The following COL18A1 variants were observed in gnomAD, a reference collection of about 807,000 sequenced individuals.
The protein encoded by COL18A1 is collagen type XVIII alpha 1 chain, also known as collagen alpha-1(XVIII) chain.
In COL18A1, 133 loss-of-function variants were observed where a neutral mutation model predicts 168.0. That is an observed-to-expected ratio of 0.79 (90% confidence interval 0.69 to 0.91). The LOEUF is 0.91. Ranked by LOEUF, COL18A1 falls within the 40% of genes least tolerant of loss-of-function variation. The pLI, the probability that COL18A1 is intolerant of heterozygous loss-of-function variation, is 0.00. For missense variants in COL18A1, 2,126 were observed against 1,925.4 expected (o/e 1.10, Z -1.95); for synonymous variants, 949 against 809.0 (o/e 1.17, Z -2.94).
rs2036881677 is a variant in COL18A1, at chr21:45,501,957, CCG to C, written c.2684-2052_2684-2051del. On this transcript the variant is annotated intron_variant, in intron 32 of 41. Coordinates refer to ENST00000651438, the MANE Select transcript of COL18A1 (RefSeq NM_001379500.1). ...TCTGCAGAAGGACCCTCAGGGGCCT[CCG>C]CAGCCGGTCACCTCCCTCTGCAGAA... 2.2e-5 allele frequency among the ~76,000 whole-genome samples: 2 copies of C among 89,166 alleles called. 1 individual carries two copies. The highest frequency in any genetic ancestry group is 4.6e-5 in the Non-Finnish European group (2 of 43,956). The allele number at this position is 89,166 out of a possible 152,430, so 58.5% of individuals were successfully genotyped here. A position where few individuals can be genotyped will look rare whatever the true frequency, so the allele number is the denominator to read the frequency against.
Position 45,486,920 on chromosome 21 carries a change from C to A in COL18A1, c.1761C>A (p.Ala587=). ...GARGESGLAG[A]PGPAGPPGPP... Reference sequence around the variant, plus strand: ...GTGGGGAGAGCGGCCTGGCAGGAGCCCCCGGACCTGCTGGACCACCAGGCC... The same window carrying A: ...GTGGGGAGAGCGGCCTGGCAGGAGCACCCGGACCTGCTGGACCACCAGGCC... The change falls in exon 16 of 42, where the codon GCC becomes GCA. Residue 587 remains alanine, a synonymous_variant. Coordinates refer to ENST00000651438, the MANE Select transcript of COL18A1 (RefSeq NM_001379500.1). 1 of 1,516,062 alleles carries A rather than the reference C, an allele frequency of 6.6e-7. No homozygotes were observed. Among genetic ancestry groups the A allele is most frequent in the Non-Finnish European group, 8.8e-7 (1 of 1,133,132 alleles). 93.9% of individuals were successfully genotyped at this position (1,516,062 alleles called of 1,614,324 possible).
At chr21:45,483,709 A>G (rs1411107903) in intron 15 of COL18A1, among the ~76,000 whole-genome samples, 1 of 152,198 alleles carries the variant, frequency 6.6e-6, no homozygotes, top group Non-Finnish European at 1.5e-5. Flanking sequence ...CTAACGGGGA[A>G]CTTTCCCCAG....
Position 45,498,125 on chromosome 21 carries a change from C to T in COL18A1, c.2683+464C>T. ...CTGCTCCCCCAAAGGACAAGAATTC[C>T]CCCCTGAGCCCCACCTCCATTGAGG... On this transcript the variant is annotated intron_variant, in intron 32 of 41. Coordinates refer to ENST00000651438, the MANE Select transcript of COL18A1 (RefSeq NM_001379500.1). This position sits in a 1 kb window ranked among gnomAD's most constrained non-coding sequence, Gnocchi z 4.5. 1.6e-6 allele frequency: 1 copy of T among 631,694 alleles called. No homozygotes were observed. The highest frequency in any genetic ancestry group is 2.8e-6 in the Non-Finnish European group (1 of 351,624). The allele number at this position is 631,694 out of a possible 1,614,324, so 39.1% of individuals were successfully genotyped here.
Position 45,510,277 on chromosome 21 carries a change from C to T in COL18A1, c.3693+16C>T, listed in dbSNP as rs2146127957. ...CAACCTCAAGGTGGGTCAGTCCAGT[C>T]CTGAGGGCGCGGGCTCCTCGGCCCC... is the stretch of plus-strand genomic sequence containing the variant. On this transcript the variant is annotated intron_variant, in intron 40 of 41. Coordinates refer to ENST00000651438, the MANE Select transcript of COL18A1 (RefSeq NM_001379500.1). The T allele has an allele frequency of 6.3e-7, 1 of 1,588,224 alleles. No individual in the cohort carries two copies. Among genetic ancestry groups the T allele is most frequent in the South Asian group, 1.1e-5 (1 of 87,654 alleles).
chr21:45,448,929 C>T (rs1390849056), intron 2 of COL18A1, among the ~76,000 whole-genome samples: 2 of 152,132 alleles, frequency 1.3e-5, no homozygotes, highest in Non-Finnish European at 2.9e-5. Flanking sequence ...GGGTGTCTGA[C>T]CCGCAGCCTG....
Position 45,498,086 on chromosome 21 carries a change from T to C in COL18A1, c.2683+425T>C. 1 of 608,816 alleles carries C rather than the reference T, an allele frequency of 1.6e-6. No homozygotes were observed. Among genetic ancestry groups the C allele is most frequent in the East Asian group, 2.7e-5 (1 of 36,546 alleles). 37.7% of individuals were successfully genotyped at this position (608,816 alleles called of 1,614,324 possible). The stretch of plus-strand genomic sequence containing the variant: ...GTTGCCCGACAGGCCGTCTGGAGGG[T>C]GAGCCCAGCACCCCTGCTCCCCCAA... On this transcript the variant is annotated intron_variant, in intron 32 of 41. Transcript: ENST00000651438. The surrounding 1 kb of genome is among the most constrained non-coding windows in gnomAD (Gnocchi z 4.5).
chr21:45,468,717 C>A lies in COL18A1; in HGVS notation c.582C>A (p.Gly194=). The change falls in exon 3 of 42, where the codon GGC becomes GGA. Residue 194 remains glycine (G), a synonymous_variant. Transcript: ENST00000651438. The part of the protein sequence containing the change: ...QRMPLARSSR[G]LELEPGAGLF... ...TGCCGCTTGCTCGGTCCTCACGGGG[C>A]CTGGAGCTGGAGCCTGGCGCCGGGC... 8 of 1,612,610 alleles carry A rather than the reference C, an allele frequency of 5.0e-6. No individual in the cohort carries two copies. The highest frequency in any genetic ancestry group is 6.8e-6 in the Non-Finnish European group (8 of 1,179,962).
chr21:45,482,739 T>C (rs1032177715), intron 14 of COL18A1, 56 bp from the exon 15 acceptor site: 1 of 1,614,112 alleles, frequency 6.2e-7, no homozygotes, highest in African/African-American at 1.3e-5. Flanking sequence ...TGTGCCTTCC[T>C]CTGTCCACTG....
chr21:45,506,305 GC>G (rs2037201032), intron 37 of COL18A1: 8 of 372,948 alleles, frequency 2.1e-5, no homozygotes, highest in South Asian at 1.7e-4. Flanking sequence ...CGGCAGGGGG[GC>G]TCAGGCCCTC....
intron 2 of COL18A1, among the ~76,000 whole-genome samples, chr21:45,411,576 G>T (rs1046313490): frequency 1.3e-5 from 2 of 152,126 alleles, no homozygotes; most frequent in African/African-American, 4.8e-5. Flanking sequence ...AGGGCCCGGC[G>T]CTGTGAACGA....
At chr21:45,492,384 A>G (rs1181242939) in intron 22 of COL18A1, 151 bp from the exon 23 acceptor site, 4 of 922,762 alleles carry the variant, frequency 4.3e-6, no homozygotes, top group Middle Eastern at 6.1e-4. Context: ...TCTGTGCTGC[A>G]GGAGGGATGC....
chr21:45,507,520 C>G, intron 37 of COL18A1, 41 bp from the exon 38 acceptor site: 1 of 1,602,320 alleles, frequency 6.2e-7, no homozygotes, highest in South Asian at 1.1e-5. Flanking sequence ...CTGGCTCAGG[C>G]CCAGCCGCAG....
chr21:45,456,174 C>T, intron 2 of COL18A1: 1 of 1,592,578 alleles, frequency 6.3e-7, no homozygotes, highest in Non-Finnish European at 8.6e-7. Flanking sequence ...CCACCATCTT[C>T]AGGTAGAGCT....
chr21:45,484,938 C>T (rs1170606663), intron 15 of COL18A1, among the ~76,000 whole-genome samples: 2 of 152,058 alleles, frequency 1.3e-5, no homozygotes, highest in Non-Finnish European at 2.9e-5. Flanking sequence ...AATTCTAGAA[C>T]CCTACAACCT....
intron 2 of COL18A1, among the ~76,000 whole-genome samples, chr21:45,411,643 G>A (rs112729398): frequency 2.8e-4 from 43 of 151,882 alleles, no homozygotes; most frequent in African/African-American, 8.5e-4. Flanking sequence ...AGGGCCCGGC[G>A]CTGTGAGTGA....
chr21:45,476,514 TGTG>T (rs2035661327), intron 6 of COL18A1, 34 bp downstream of exon 6: 12 of 1,565,224 alleles, frequency 7.7e-6, no homozygotes, highest in Middle Eastern at 1.7e-4. Flanking sequence ...GTGTGTGTGG[TGTG>T]GGGTGTGTGT....
At chr21:45,438,115 C>G (rs1372269530) in intron 2 of COL18A1, among the ~76,000 whole-genome samples, 1 of 118,146 alleles carries the variant, frequency 8.5e-6, no homozygotes, top group African/African-American at 3.9e-5. Context: ...CACTCAGACA[C>G]ACAGGCACTC....
chr21:45,462,928 T>A (rs80280945), intron 2 of COL18A1, among the ~76,000 whole-genome samples: 4,285 of 152,296 alleles, frequency 0.028, 213 homozygotes, highest in African/African-American at 0.097. Flanking sequence ...TTTGTGTCTG[T>A]GCCAGAAATC....
intron 2 of COL18A1, among the ~76,000 whole-genome samples, chr21:45,465,938 C>T (rs775063776): frequency 6.6e-6 from 1 of 152,142 alleles, no homozygotes; most frequent in Non-Finnish European, 1.5e-5. Context: ...GGAGCCCACT[C>T]CCCCGTGGGT....
Sources: allele counts gnomAD v4.1 joint callset (sites outside exome capture counted in the v4.1 genomes callset), GRCh38; gene constraint gnomAD v4.1.1; non-coding constraint Gnocchi (gnomAD v3.1); transcripts MANE v1.5; gene names NCBI Gene and HGNC (gene_info 2026-07-23, HGNC 2026-07-21).